TANC2: variants seen among roughly 807,000 people sequenced by gnomAD.
TANC2 encodes protein TANC2.
Under a neutral mutation model 210.5 loss-of-function variants are expected in TANC2, and 26 were observed. The observed-to-expected ratio is 0.12, with a 90% confidence interval of 0.09 to 0.17. The LOEUF (loss-of-function observed/expected upper bound fraction) is 0.17, where lower values mean the gene tolerates loss of function less well. TANC2 is among the 10% of genes least tolerant of loss of function. The probability of loss-of-function intolerance (pLI) is 1.00; values close to 1 mark genes in which losing one functional copy is unlikely to be tolerated. For missense variants in TANC2, 2,129 were observed against 2,608.9 expected (o/e 0.82, Z 4.01); for synonymous variants, 931 against 967.1 (o/e 0.96, Z 0.69).
chr17:63,015,587 C>T (rs1036510982), intron 2 of TANC2, among the ~76,000 whole-genome samples: 9 of 151,600 alleles, frequency 5.9e-5, no homozygotes, highest in Non-Finnish European at 8.8e-5. Flanking sequence ...TTTGTCCTTG[C>T]GATAGTTTGC....
chr17:63,426,029 G>A (rs902142164), exon 28 of TANC2: 1 of 152,254 alleles, frequency 6.6e-6, no homozygotes, highest in African/African-American at 2.4e-5. Flanking sequence ...GCTATCCCAG[G>A]GGGCAAGAGG....
At chr17:63,050,334 G>T in intron 2 of TANC2, among the ~76,000 whole-genome samples, 1 of 150,398 alleles carries the variant, frequency 6.6e-6, no homozygotes, top group Non-Finnish European at 1.5e-5. Flanking sequence ...TTCAGCCTGG[G>T]CAACAGAGCA....
chr17:62,985,055 G>A (rs972959023), intron 1 of TANC2, among the ~76,000 whole-genome samples: 1 of 152,198 alleles, frequency 6.6e-6, no homozygotes, highest in Admixed American at 6.5e-5. Context: ...GACAGTGGGT[G>A]TTGAAATCAG....
chr17:63,257,455 T>C (rs1002919995), intron 8 of TANC2, among the ~76,000 whole-genome samples: 6 of 151,658 alleles, frequency 4.0e-5, no homozygotes, highest in African/African-American at 1.5e-4. Flanking sequence ...CCTCCTGGGC[T>C]CAAGTGATCC....
chr17:63,275,279 G>A (rs762717934), intron 9 of TANC2, among the ~76,000 whole-genome samples: 10 of 152,130 alleles, frequency 6.6e-5, no homozygotes, highest in Non-Finnish European at 1.2e-4. Context: ...TACATAAAAA[G>A]CCATTCAGAG....
intron 5 of TANC2, among the ~76,000 whole-genome samples, chr17:63,186,212 T>G (rs369678784): frequency 9.2e-5 from 14 of 152,300 alleles, no homozygotes; most frequent in East Asian, 3.8e-4. Flanking sequence ...TGATTATATA[T>G]AGAGAGAGAT....
chr17:62,990,628 A>G (rs1042121507), intron 1 of TANC2, among the ~76,000 whole-genome samples: 1 of 152,198 alleles, frequency 6.6e-6, no homozygotes, highest in Admixed American at 6.5e-5. Flanking sequence ...AAATGCTGAT[A>G]GAAATAGCTA....
In TANC2 at chr17:63,420,199, C is replaced by G; in HGVS notation, c.4469C>G (p.Ser1490Cys). The G allele has an allele frequency of 1.2e-6, 2 of 1,600,362 alleles. No individual in the cohort carries two copies. Among genetic ancestry groups the G allele is most frequent in the Non-Finnish European group, 1.7e-6 (2 of 1,173,024 alleles). ...GAGCCACAGCATGAAGACATATACT[C>G]TGTACAGGATATATTCGAGGAGGAG... The change falls in exon 28 of 28, where the codon TCT becomes TGT. Residue 1490 changes from serine to cysteine, a missense_variant. Ser to Cys is a moderately radical substitution (Grantham distance 112). This residue lies in a region of TANC2 where 584 missense variants were observed against 627.3 expected (regional missense o/e 0.93). Transcript: ENST00000689528. The surrounding 1 kb of genome is among the most constrained non-coding windows in gnomAD (Gnocchi z 4.2).
At chr17:63,033,365 G>C (rs1250864007) in intron 2 of TANC2, among the ~76,000 whole-genome samples, 3 of 152,020 alleles carry the variant, frequency 2.0e-5, no homozygotes, top group Non-Finnish European at 4.4e-5. Context: ...GCTATTCTGG[G>C]GCTTTCAGCC....
intron 11 of TANC2, among the ~76,000 whole-genome samples, chr17:63,336,604 T>G (rs1364534357): frequency 6.6e-6 from 1 of 152,234 alleles, no homozygotes; most frequent in East Asian, 1.9e-4. Context: ...GCCCTTTTCT[T>G]TCTTCCCTCA....
At position 63,282,053 on chromosome 17, in the gene TANC2, C is replaced by T. The variant is rs145276741; in HGVS notation, c.1159+14180C>T. On this transcript the variant is annotated intron_variant, in intron 9 of 27. Coordinates refer to ENST00000689528, the Ensembl canonical transcript of TANC2. ...CAAAGTTAGTGGTAACTTGTTATGG[C>T]AGCCCTAAGAAATTAATACACCCAA... 5.0e-3 allele frequency among the ~76,000 whole-genome samples: 764 copies of T among 152,034 alleles called. 9 individuals are homozygous for T. The highest frequency in any genetic ancestry group is 0.018 in the African/African-American group (727 of 41,486).
At chr17:62,967,298 T>C (rs1222160005) in intron 1 of TANC2, 1 of 152,204 alleles carries the variant, frequency 6.6e-6, no homozygotes, top group Non-Finnish European at 1.5e-5. Flanking sequence ...TAAGCTATTT[T>C]TTTTGAGGTA....
At chr17:63,152,977 C>G (rs1037937439) in intron 5 of TANC2, 1 of 152,082 alleles carries the variant, frequency 6.6e-6, no homozygotes, top group Non-Finnish European at 1.5e-5. Flanking sequence ...AACTAAAACA[C>G]AATATCAAAG....
chr17:63,260,974 G>A (rs895171975), intron 8 of TANC2, among the ~76,000 whole-genome samples: 1 of 152,124 alleles, frequency 6.6e-6, no homozygotes, highest in African/African-American at 2.4e-5. Context: ...GCTTATGCCT[G>A]TAATCCCAGC....
chr17:63,407,825 A>G (rs376040679), intron 21 of TANC2, among the ~76,000 whole-genome samples: 1 of 152,314 alleles, frequency 6.6e-6, no homozygotes, highest in South Asian at 2.1e-4. Context: ...CGAAGAGGAA[A>G]AATGTTTTGT....
intron 9 of TANC2, among the ~76,000 whole-genome samples, chr17:63,306,903 A>G (rs1341419153): frequency 2.0e-5 from 3 of 152,172 alleles, no homozygotes; most frequent in Non-Finnish European, 4.4e-5. Flanking sequence ...GCAGTGAGCT[A>G]TGATTGCCTC....
intron 5 of TANC2, among the ~76,000 whole-genome samples, chr17:63,161,265 G>A (rs916706888): frequency 5.3e-5 from 8 of 152,172 alleles, no homozygotes; most frequent in Admixed American, 2.6e-4. Context: ...GGGGGGTTGA[G>A]GTGGGAGGAT....
chr17:63,211,395 A>G (rs956598327), intron 7 of TANC2, among the ~76,000 whole-genome samples: 1 of 151,778 alleles, frequency 6.6e-6, no homozygotes, highest in Non-Finnish European at 1.5e-5. Flanking sequence ...TTATTGTTCT[A>G]GCGGCAATAG....
chr17:63,330,094 G>A (rs911488944), intron 11 of TANC2, among the ~76,000 whole-genome samples: 16 of 152,170 alleles, frequency 1.1e-4, no homozygotes, highest in African/African-American at 1.4e-4. Context: ...AATTTTAGTG[G>A]TCTAGTTAGA....
Sources: allele counts gnomAD v4.1 joint callset (sites outside exome capture counted in the v4.1 genomes callset), GRCh38; gene constraint gnomAD v4.1.1; regional missense constraint gnomAD v4.1.1; non-coding constraint Gnocchi (gnomAD v3.1); transcripts MANE v1.5; gene names NCBI Gene and HGNC (gene_info 2026-07-23, HGNC 2026-07-21).